Variants in RAPGEF5 observed in about 807,000 individuals in gnomAD.
RAPGEF5 encodes Rap guanine nucleotide exchange factor 5.
A neutral mutation model predicts 125.2 loss-of-function variants in RAPGEF5; 65 were observed. The ratio of observed to expected loss-of-function variants is 0.52; its 90% CI spans 0.43 to 0.64. RAPGEF5 has a LOEUF of 0.64. RAPGEF5 is among the 30% of genes least tolerant of loss of function. The probability of loss-of-function intolerance (pLI) is 0.00; values close to 1 mark genes in which losing one functional copy is unlikely to be tolerated. For missense variants in RAPGEF5, 958 were observed against 1,048.1 expected (o/e 0.91, Z 1.19); for synonymous variants, 391 against 385.9 (o/e 1.01, Z -0.16).
chr7:22,299,141 A>G (rs1783137563), intron 5 of RAPGEF5, among the ~76,000 whole-genome samples: 1 of 147,826 alleles, frequency 6.8e-6, no homozygotes, highest in Admixed American at 6.8e-5. Flanking sequence ...TTCTTTGGCT[A>G]GCTTTCTGAG....
At chr7:22,244,003 G>A (rs1219558584) in intron 7 of RAPGEF5, among the ~76,000 whole-genome samples, 1 of 152,060 alleles carries the variant, frequency 6.6e-6, no homozygotes, top group South Asian at 2.1e-4. Flanking sequence ...TACTTTCTAA[G>A]TTCCACTTTC....
rs190563239 is a variant in RAPGEF5, at chr7:22,148,573, A to G, written c.1885-1554T>C. On this transcript the variant is annotated intron_variant, in intron 18 of 25. Coordinates refer to ENST00000665637, the MANE Select transcript of RAPGEF5 (RefSeq NM_012294.5). ...TTTTGGTGATGAAATATCTAAATCT[A>G]TGATTCCAGTAGGACAATTTTAGGT... 3.9e-5 allele frequency among the ~76,000 whole-genome samples: 6 copies of G among 152,350 alleles called. No individual in the cohort carries two copies. The East Asian group carries it at 1.2e-3, about 29-fold the overall frequency.
chr7:22,333,494 C>A (rs1783961757), intron 1 of RAPGEF5, among the ~76,000 whole-genome samples: 1 of 152,172 alleles, frequency 6.6e-6, no homozygotes. Context: ...CTGTAGTTTT[C>A]TTTGAGCCAA....
At chr7:22,153,226 G>A (rs1472027853) in intron 17 of RAPGEF5, among the ~76,000 whole-genome samples, 3 of 152,122 alleles carry the variant, frequency 2.0e-5, no homozygotes, top group Admixed American at 6.5e-5. Flanking sequence ...AGAGGTGGAT[G>A]CTTAAGCTTA....
rs939947908 is a variant in RAPGEF5 at position 22,135,903 on chromosome 7, G to C, written c.2416+135C>G. The C allele has an allele frequency of 4.8e-6, 3 of 621,370 alleles. No individual in the cohort carries two copies. The African/African-American group carries it at 5.6e-5, about 12-fold the overall frequency. 38.5% of individuals were successfully genotyped at this position (621,370 alleles called of 1,614,324 possible). Reference sequence around the variant, plus strand: ...TCGGCTATTTGAAAAACAATCACAAGGCAACACAATTAGGTCTGAATGTCA... The same window carrying C: ...TCGGCTATTTGAAAAACAATCACAACGCAACACAATTAGGTCTGAATGTCA... On this transcript the variant is annotated intron_variant, in intron 23 of 25. Transcript: ENST00000665637.
chr7:22,182,691 T>A (rs1784711257), intron 11 of RAPGEF5, among the ~76,000 whole-genome samples: 1 of 152,176 alleles, frequency 6.6e-6, no homozygotes, highest in Non-Finnish European at 1.5e-5. Context: ...AACTGGGAAA[T>A]GATGCTGTAG....
At chr7:22,221,863 T>A (rs183104121) in intron 8 of RAPGEF5, among the ~76,000 whole-genome samples, 1 of 152,314 alleles carries the variant, frequency 6.6e-6, no homozygotes, top group Admixed American at 6.5e-5. Flanking sequence ...CCTAAATTAT[T>A]TTATTCATTC....
intron 11 of RAPGEF5, among the ~76,000 whole-genome samples, chr7:22,182,309 G>A (rs558458099): frequency 5.9e-5 from 9 of 152,264 alleles, no homozygotes; most frequent in South Asian, 2.1e-4. Context: ...TTTTTCAACC[G>A]TTGACACTGT....
intron 6 of RAPGEF5, among the ~76,000 whole-genome samples, chr7:22,272,655 T>A (rs1204349618): frequency 6.6e-6 from 1 of 152,170 alleles, no homozygotes; most frequent in Non-Finnish European, 1.5e-5. Flanking sequence ...TCCCAAAAAA[T>A]ATACAACTTT....
intron 1 of RAPGEF5, among the ~76,000 whole-genome samples, chr7:22,324,217 CT>C (rs1312652305): frequency 6.6e-6 from 1 of 152,100 alleles, no homozygotes; most frequent in Non-Finnish European, 1.5e-5. Flanking sequence ...AAATGCATAC[CT>C]GAATATAATG....
intron 3 of RAPGEF5, 61 bp downstream of exon 3, chr7:22,315,309 C>G (rs1783564849): frequency 6.6e-7 from 1 of 1,510,656 alleles, no homozygotes; most frequent in South Asian, 1.2e-5. Context: ...ACAATTTTAA[C>G]ACAGGGTGGT....
intron 9 of RAPGEF5, among the ~76,000 whole-genome samples, chr7:22,215,815 G>C (rs980945289): frequency 2.0e-5 from 3 of 152,186 alleles, no homozygotes; most frequent in Non-Finnish European, 4.4e-5. Context: ...GTTCTGGAAA[G>C]AAAAGTTTGT....
intron 11 of RAPGEF5, among the ~76,000 whole-genome samples, chr7:22,183,566 G>A (rs970889508): frequency 6.6e-6 from 1 of 152,090 alleles, no homozygotes; most frequent in African/African-American, 2.4e-5. Context: ...GTAAATAAAG[G>A]ATAAAAAGAA....
At chr7:22,308,739 T>C (rs1357259074) in intron 4 of RAPGEF5, among the ~76,000 whole-genome samples, 2 of 152,216 alleles carry the variant, frequency 1.3e-5, no homozygotes, top group African/African-American at 4.8e-5. Flanking sequence ...TGTATTCATA[T>C]TTTTTCTGCT....
chr7:22,193,962 C>G lies in RAPGEF5; in HGVS notation c.1068G>C (p.Gln356His), dbSNP rs780156600. Reference protein sequence around the residue: ...DQSVLVLKKVQCCGPAPTAGS... With the variant: ...DQSVLVLKKVHCCGPAPTAGS... ...CAGCTGTGGGGGCTGGGCCACAGCACTGCACTTTCTTCAGCACCAGGACGC... is the reference window on the plus strand; with the variant it reads ...CAGCTGTGGGGGCTGGGCCACAGCAGTGCACTTTCTTCAGCACCAGGACGC... Residue 356 changes from glutamine (Q) to histidine (H), a missense_variant, in exon 10 of 26, where the codon CAG becomes CAC. By Grantham distance (24) the Gln-to-His change is conservative. Transcript: ENST00000665637. The G allele has an allele frequency of 6.8e-6, 11 of 1,613,954 alleles. No individual in the cohort carries two copies. In the South Asian group the frequency reaches 1.1e-4, roughly 16 times the overall value.
rs1783734902 is a variant in RAPGEF5 at position 22,154,480 on chromosome 7, A to G, written c.1761T>C (p.Ala587=). ...CCCCAGAGAATGTGATGGCCACCAG[A>G]GCCAGATCCTCTTCTGCATACTGGA... ...EKIQYAEEDL[A]LVAITFSGEK... is the part of the protein sequence containing the mutation. Residue 587 remains alanine, a synonymous_variant, in exon 17 of 26, where the codon GCT becomes GCC. Transcript: ENST00000665637. 1 of 1,613,682 alleles carries G rather than the reference A, an allele frequency of 6.2e-7. No individual in the cohort carries two copies. Among genetic ancestry groups the G allele is most frequent in the Admixed American group, 1.7e-5 (1 of 59,934 alleles).
intron 6 of RAPGEF5, among the ~76,000 whole-genome samples, chr7:22,270,139 C>T (rs946632060): frequency 6.6e-6 from 1 of 152,204 alleles, no homozygotes; most frequent in Non-Finnish European, 1.5e-5. Context: ...CCCTGAAAGG[C>T]GAACAATGAA....
At chr7:22,193,639 A>G in intron 10 of RAPGEF5, 184 bp from the exon 11 acceptor site, 2 of 1,550,606 alleles carry the variant, frequency 1.3e-6, no homozygotes, top group Non-Finnish European at 1.7e-6. Flanking sequence ...AGGGTCAAAG[A>G]CCCTCAGCCG....
chr7:22,323,695 C>T (rs1180823208), intron 1 of RAPGEF5, among the ~76,000 whole-genome samples: 1 of 152,140 alleles, frequency 6.6e-6, no homozygotes, highest in African/African-American at 2.4e-5. Flanking sequence ...ATGGACCCTC[C>T]CTACAGCAAC....
Sources: allele counts gnomAD v4.1 joint callset (sites outside exome capture counted in the v4.1 genomes callset), GRCh38; gene constraint gnomAD v4.1.1; transcripts MANE v1.5; gene names NCBI Gene and HGNC (gene_info 2026-07-23, HGNC 2026-07-21).